Variants in TFDP2 observed in about 807,000 individuals in gnomAD.
TFDP2 encodes transcription factor Dp-2.
TFDP2 carries 17 observed loss-of-function variants against 59.3 expected under a neutral mutation model. The observed-to-expected ratio is 0.29, with a 90% CI of 0.20 to 0.43. The LOEUF (loss-of-function observed/expected upper bound fraction) is 0.43, where lower values mean the gene tolerates loss of function less well. Ranked by LOEUF, TFDP2 falls within the 20% of genes least tolerant of loss-of-function variation. The pLI is 1.00. For missense variants in TFDP2, 391 were observed against 528.8 expected, an observed-to-expected ratio of 0.74 and a Z score of 2.56; for synonymous variants, 180 against 194.7, an observed-to-expected ratio of 0.92 and a Z score of 0.63.
chr3:142,149,475 G>T lies in TFDP2; in HGVS notation c.-385C>A, dbSNP rs1186260033. 5.5e-6 allele frequency: 2 copies of T among 366,338 alleles called. No homozygotes were observed. Among genetic ancestry groups the T allele is most frequent in the East Asian group, 3.9e-5 (1 of 25,530 alleles). 22.7% of individuals were successfully genotyped at this position (366,338 alleles called of 1,614,324 possible). On this transcript the variant is annotated 5_prime_UTR_variant, in exon 1 of 13. Coordinates refer to ENST00000489671, the MANE Select transcript of TFDP2 (RefSeq NM_001178139.2). ...GCCGAGATCGCTACCGATTTCGTCC[G>T]CCCTCTCCCTGCCCAGCTACAGCCC... is the stretch of plus-strand genomic sequence containing the variant.
At chr3:142,126,887 A>G (rs1211027328) in intron 1 of TFDP2, among the ~76,000 whole-genome samples, 1 of 150,610 alleles carries the variant, frequency 6.6e-6, no homozygotes, top group East Asian at 2.0e-4. Context: ...CGGAGGTTGC[A>G]GTGAGCCAAG....
intron 1 of TFDP2, among the ~76,000 whole-genome samples, chr3:142,109,361 C>T (rs1325368674): frequency 2.7e-5 from 4 of 146,706 alleles, no homozygotes; most frequent in Middle Eastern, 3.6e-3. Context: ...GATGGAGTCT[C>T]GCTGTCACCC....
intron 3 of TFDP2, among the ~76,000 whole-genome samples, chr3:142,021,787 T>A (rs763230061): frequency 3.3e-5 from 5 of 152,208 alleles, no homozygotes; most frequent in Non-Finnish European, 7.3e-5. Flanking sequence ...TCTGGAATAT[T>A]ATAATTGGTT....
intron 6 of TFDP2, among the ~76,000 whole-genome samples, chr3:141,987,548 G>T (rs1197574522): frequency 1.4e-5 from 2 of 144,292 alleles, no homozygotes; most frequent in Non-Finnish European, 3.0e-5. Context: ...CTCCCAAAGT[G>T]TTGGGATTAC....
chr3:142,148,641 C>T (rs752397323), intron 1 of TFDP2, among the ~76,000 whole-genome samples: 5 of 152,174 alleles, frequency 3.3e-5, no homozygotes, highest in Non-Finnish European at 7.3e-5. Flanking sequence ...CCTAGGAAAA[C>T]CCTTACACTT....
At chr3:142,138,310 C>CA (rs1380179613) in intron 1 of TFDP2, among the ~76,000 whole-genome samples, 3 of 151,958 alleles carry the variant, frequency 2.0e-5, no homozygotes, top group East Asian at 1.9e-4. Flanking sequence ...TTGATCTTTT[C>CA]AAAAAAACCA....
rs1577056437 is a variant in TFDP2 at position 142,132,035 on chromosome 3, C to T, written c.-93+17148G>A. ...AAAAAAAAAAAAAGTCTAAACAAAA[C>T]CTTGTATAAAAATGTTCATAGCAAT... On this transcript the variant is annotated intron_variant, in intron 1 of 12. Coordinates refer to ENST00000489671, the MANE Select transcript of TFDP2 (RefSeq NM_001178139.2). 1.4e-5 allele frequency among the ~76,000 whole-genome samples: 2 copies of T among 143,276 alleles called. 1 individual carries two copies. The highest frequency in any genetic ancestry group is 5.4e-5 in the African/African-American group (2 of 37,200). The allele number at this position is 143,276 out of a possible 152,430, so 94.0% of individuals were successfully genotyped here.
intron 3 of TFDP2, among the ~76,000 whole-genome samples, chr3:142,088,424 G>A (rs1254459882): frequency 6.6e-6 from 1 of 150,552 alleles, no homozygotes; most frequent in Non-Finnish European, 1.5e-5. Context: ...TCCACCTCCC[G>A]GGTTCAGGTG....
intron 3 of TFDP2, among the ~76,000 whole-genome samples, chr3:142,073,312 G>A (rs186721782): frequency 1.4e-3 from 218 of 152,206 alleles, no homozygotes; most frequent in Admixed American, 5.2e-3. Context: ...CTGATAGTAG[G>A]AGAAACTGAG....
At chr3:142,111,820 C>G (rs1373359625) in intron 1 of TFDP2, among the ~76,000 whole-genome samples, 1 of 152,068 alleles carries the variant, frequency 6.6e-6, no homozygotes, top group Non-Finnish European at 1.5e-5. Context: ...AATCCCAGCA[C>G]TTTGGGGGGC....
chr3:142,072,329 G>C (rs1207196648), intron 3 of TFDP2, among the ~76,000 whole-genome samples: 1 of 152,208 alleles, frequency 6.6e-6, no homozygotes, highest in Non-Finnish European at 1.5e-5. Flanking sequence ...TTGGCTGGGT[G>C]TAAGAAATGG....
At position 141,948,982 on chromosome 3, in the gene TFDP2, G is replaced by C. The variant is rs1042640456; in HGVS notation, c.*3531C>G. 2 of 150,446 alleles carry C rather than the reference G, an allele frequency of 1.3e-5. No homozygotes were observed. Among genetic ancestry groups the C allele is most frequent in the Non-Finnish European group, 2.9e-5 (2 of 68,086 alleles). 9.3% of individuals were successfully genotyped at this position (150,446 alleles called of 1,614,324 possible). On this transcript the variant is annotated 3_prime_UTR_variant, in exon 13 of 13. Transcript: ENST00000489671. ...TTAGCCAGGCATGGTCCCAGCTGAG[G>C]CAGGAGAATGGCGTGAACCCGGGAG...
intron 1 of TFDP2, among the ~76,000 whole-genome samples, chr3:142,103,151 T>A (rs377547611): frequency 4.8e-4 from 73 of 152,128 alleles, no homozygotes; most frequent in African/African-American, 1.8e-3. Context: ...GGCAGGAGAA[T>A]TGCTTGAACT....
intron 8 of TFDP2, among the ~76,000 whole-genome samples, chr3:141,970,448 T>A (rs957361120): frequency 1.3e-5 from 2 of 152,226 alleles, no homozygotes; most frequent in African/African-American, 4.8e-5. Context: ...TAGTTTATAC[T>A]CACTCTATCT....
intron 1 of TFDP2, among the ~76,000 whole-genome samples, chr3:142,137,612 C>T (rs536085437): frequency 6.6e-6 from 1 of 152,144 alleles, no homozygotes. Flanking sequence ...TTGTCAAAGG[C>T]CTTTTCTGCA....
chr3:141,971,400 T>G (rs988513842), intron 8 of TFDP2, among the ~76,000 whole-genome samples: 1 of 134,242 alleles, frequency 7.4e-6, no homozygotes, highest in African/African-American at 2.8e-5. Context: ...AAAAAAAAAA[T>G]TAGCCAGGCG....
chr3:142,108,843 C>T (rs570484887), intron 1 of TFDP2, among the ~76,000 whole-genome samples: 1 of 152,282 alleles, frequency 6.6e-6, no homozygotes, highest in East Asian at 1.9e-4. Context: ...CAAAACCGTG[C>T]TCCTCCTGCC....
intron 4 of TFDP2, among the ~76,000 whole-genome samples, chr3:141,996,893 A>G: frequency 6.6e-6 from 1 of 152,248 alleles, no homozygotes; most frequent in East Asian, 1.9e-4. Flanking sequence ...AAAGTTAATA[A>G]TACTGACAGA....
chr3:142,107,616 C>T, intron 1 of TFDP2, among the ~76,000 whole-genome samples: 1 of 152,140 alleles, frequency 6.6e-6, no homozygotes, highest in Non-Finnish European at 1.5e-5. Flanking sequence ...AAGTGCTTCA[C>T]ATGTATATCA....
Sources: allele counts gnomAD v4.1 joint callset (sites outside exome capture counted in the v4.1 genomes callset), GRCh38; gene constraint gnomAD v4.1.1; transcripts MANE v1.5; gene names NCBI Gene and HGNC (gene_info 2026-07-23, HGNC 2026-07-21).